The following PALB2 variants were observed in gnomAD, a reference collection of about 807,000 sequenced individuals.
PALB2 encodes mutant partner and localizer of BRCA2.
PALB2 carries 82 observed loss-of-function variants against 107.4 expected under a neutral mutation model. The observed-to-expected ratio is 0.76, with a 90% confidence interval of 0.64 to 0.92. PALB2 has a LOEUF of 0.92. Ranked by LOEUF, PALB2 falls within the 40% of genes least tolerant of loss-of-function variation. PALB2 has a pLI of 0.00. For missense variants in PALB2, 1,374 were observed against 1,379.9 expected (o/e 1.00, Z 0.07); for synonymous variants, 489 against 496.8 (o/e 0.98, Z 0.21).
At position 23,635,827 on chromosome 16, in the gene PALB2, G is replaced by C. The variant is rs1466115155; in HGVS notation, c.719C>G (p.Pro240Arg). The C allele has an allele frequency of 6.2e-7, 1 of 1,614,140 alleles. No homozygotes were observed. The highest frequency in any genetic ancestry group is 8.5e-7 in the Non-Finnish European group (1 of 1,180,028). Residue 240 changes from proline (P) to arginine (R), a missense_variant, in exon 4 of 13, where the codon CCT becomes CGT. Pro to Arg is a moderately radical substitution (Grantham distance 103). Coordinates refer to ENST00000261584, the MANE Select transcript of PALB2 (RefSeq NM_024675.4). ...AACTGTAGTCGCCCTGGTGAAATTA[G>C]GTCTTCTTAGGAATGTATCAACACC... is the stretch of plus-strand genomic sequence containing the variant. ...EKGVDTFLRR[P>R]NFTRATTVPL...
intron 6 of PALB2, among the ~76,000 whole-genome samples, chr16:23,626,679 T>C (rs1466420625): frequency 1.3e-5 from 2 of 152,170 alleles, no homozygotes; most frequent in African/African-American, 2.4e-5. Flanking sequence ...TGGAGTGCAG[T>C]GGTGCAATCT....
chr16:23,638,580 G>A (rs1381706148), intron 1 of PALB2: 3 of 456,082 alleles, frequency 6.6e-6, no homozygotes, highest in Non-Finnish European at 1.3e-5. Context: ...AATGGTCCAG[G>A]TATCTCTAGT....
intron 12 of PALB2, 31 bp from the exon 13 acceptor site, chr16:23,603,700 A>T: frequency 6.4e-7 from 1 of 1,564,610 alleles, no homozygotes; most frequent in Non-Finnish European, 8.8e-7. Flanking sequence ...TATAATTCAG[A>T]TTACATATCC....
chr16:23,630,813 A>G (rs1966869904), intron 4 of PALB2, among the ~76,000 whole-genome samples: 1 of 152,104 alleles, frequency 6.6e-6, no homozygotes. Flanking sequence ...GCACTACCCA[A>G]AACAGTGTAT....
chr16:23,632,640 T>G (rs1463947314), intron 4 of PALB2, among the ~76,000 whole-genome samples: 1 of 152,090 alleles, frequency 6.6e-6, no homozygotes, highest in Admixed American at 6.5e-5. Context: ...TTAGGGGTGA[T>G]GAAAATGTTT....
Position 23,638,076 on chromosome 16 carries a change from G to A in PALB2, c.102C>T (p.Arg34=), listed in dbSNP as rs1555462102. 1 of 1,613,852 alleles carries A rather than the reference G, an allele frequency of 6.2e-7. No homozygotes were observed. Among genetic ancestry groups the A allele is most frequent in the Admixed American group, 1.7e-5 (1 of 60,018 alleles). Reference sequence around the variant, plus strand: ...GAGAATACGATTCACTTACCTGAAGGCGGGCTAGTGTCTTGCTGTATTCCC... The same window carrying A: ...GAGAATACGATTCACTTACCTGAAGACGGGCTAGTGTCTTGCTGTATTCCC... ...LKREYSKTLA[R]LQRAQRAEKI... The change falls in exon 2 of 13, where the codon CGC becomes CGT. Residue 34 remains arginine, a synonymous_variant. Transcript: ENST00000261584.
Position 23,613,398 on chromosome 16 carries a change from C to T in PALB2, c.3201+606G>A, listed in dbSNP as rs373543685. On this transcript the variant is annotated intron_variant, in intron 11 of 12. Coordinates refer to ENST00000261584, the MANE Select transcript of PALB2 (RefSeq NM_024675.4). Reference sequence around the variant, plus strand: ...GTGGCTCACATCTGTAATACCAGCACTTTGGGAGGCTGAGGCGGGTGGATC... The same window carrying T: ...GTGGCTCACATCTGTAATACCAGCATTTTGGGAGGCTGAGGCGGGTGGATC... Among the ~76,000 whole-genome samples, 12 of 152,242 alleles carry T rather than the reference C, an allele frequency of 7.9e-5. No homozygotes were observed. In the South Asian group the frequency reaches 1.2e-3, roughly 16 times the overall value.
At chr16:23,632,904 G>T (rs1054028619) in intron 4 of PALB2, among the ~76,000 whole-genome samples, 23 of 152,158 alleles carry the variant, frequency 1.5e-4, no homozygotes, top group African/African-American at 5.3e-4. Flanking sequence ...GACCAGCCTG[G>T]CCAACATGGC....
At chr16:23,623,932 G>T in intron 8 of PALB2, 77 bp downstream of exon 8, 1 of 942,382 alleles carries the variant, frequency 1.1e-6, no homozygotes, top group Non-Finnish European at 1.7e-6. Flanking sequence ...TCAAGCCTAG[G>T]TTATTACCTG....
intron 11 of PALB2, among the ~76,000 whole-genome samples, chr16:23,613,500 C>T (rs542034575): frequency 5.3e-5 from 8 of 152,050 alleles, no homozygotes; most frequent in South Asian, 2.1e-4. Context: ...AAAAATTAGC[C>T]GGGTGTGGTG....
At chr16:23,618,434 A>G (rs1966720090) in intron 10 of PALB2, among the ~76,000 whole-genome samples, 1 of 152,232 alleles carries the variant, frequency 6.6e-6, no homozygotes, top group South Asian at 2.1e-4. Context: ...GGAAAGGAGG[A>G]CGGCAGAGCT....
chr16:23,612,523 CTTTT>C (rs900478700), intron 11 of PALB2, among the ~76,000 whole-genome samples: 3 of 119,502 alleles, frequency 2.5e-5, no homozygotes, highest in Non-Finnish European at 3.5e-5. Flanking sequence ...CAGGCCAAGA[CTTTT>C]TTTTTTTTTT....
intron 6 of PALB2, among the ~76,000 whole-genome samples, chr16:23,627,080 T>C (rs113741920): frequency 0.011 from 1,666 of 152,270 alleles, 29 homozygotes; most frequent in African/African-American, 0.038. Context: ...GGGAGTAACA[T>C]TGAAACAACA....
intron 10 of PALB2, among the ~76,000 whole-genome samples, chr16:23,620,801 A>G (rs1318180772): frequency 6.6e-6 from 1 of 152,222 alleles, no homozygotes. Flanking sequence ...GGCCGGGCGC[A>G]GTGGCTCATG....
intron 3 of PALB2, among the ~76,000 whole-genome samples, chr16:23,637,074 CCT>C (rs1423408316): frequency 1.3e-5 from 2 of 151,784 alleles, no homozygotes; most frequent in African/African-American, 4.8e-5. Context: ...ATGGTGAAAC[CCT>C]GTCTCTACTA....
rs1555460651 is a variant in PALB2 at position 23,630,369 on chromosome 16, A to G, written c.1785T>C (p.Asp595=). Residue 595 remains aspartate (D), a synonymous_variant, in exon 5 of 13, where the codon GAT becomes GAC. Transcript: ENST00000261584. ...GTAGTTGCTTTAAACTCAGCATTCC[A>G]TCCCTATGAAATGGAGCCGTGAAAG... ...DDAFTAPFHR[D]GMLSLKQLLS... 1.2e-6 allele frequency: 2 copies of G among 1,614,026 alleles called. No individual in the cohort carries two copies. Among genetic ancestry groups the G allele is most frequent in the African/African-American group, 1.3e-5 (1 of 74,948 alleles).
In PALB2 at chr16:23,607,467, A is replaced by AT. The variant is rs912011028; in HGVS notation, c.3350+396dup. The AT allele has an allele frequency of 1.6e-3, 382 of 243,406 alleles. 2 individuals carry two copies. Among genetic ancestry groups the AT allele is most frequent in the Non-Finnish European group, 2.1e-3 (250 of 121,694 alleles). The allele number at this position is 243,406 out of a possible 1,614,324, so 15.1% of individuals were successfully genotyped here. On this transcript the variant is annotated intron_variant, in intron 12 of 12. Transcript: ENST00000261584. Reference sequence around the variant, plus strand: ...GCATGTTTGGCTAATATATATATATATTTTTTTTGGTAGAGACTGGGTCTT... The same window carrying AT: ...GCATGTTTGGCTAATATATATATATATTTTTTTTTGGTAGAGACTGGGTCTT...
rs1597066796 is a variant in PALB2 at position 23,607,934 on chromosome 16, C to T, written c.3280G>A (p.Val1094Met). The T allele has an allele frequency of 6.2e-7, 1 of 1,614,108 alleles. No individual in the cohort carries two copies. Among genetic ancestry groups the T allele is most frequent in the African/African-American group, 1.3e-5 (1 of 75,022 alleles). ...CTGAGAGTCGTCTTAGGGTTAATCA[C>T]AATGAGCTGAAACACAGGGCTTCGC... is the stretch of plus-strand genomic sequence containing the variant. Reference protein sequence around the residue: ...SLRSPVFQLIVINPKTTLSVG... With the variant: ...SLRSPVFQLIMINPKTTLSVG... The change falls in exon 12 of 13, where the codon GTG becomes ATG. Residue 1094 changes from valine (V) to methionine (M), a missense_variant. By Grantham distance (21) the Val-to-Met change is conservative (BLOSUM62 1). Coordinates refer to ENST00000261584, the MANE Select transcript of PALB2 (RefSeq NM_024675.4).
At chr16:23,639,678 G>C in intron 1 of PALB2, among the ~76,000 whole-genome samples, 1 of 151,448 alleles carries the variant, frequency 6.6e-6, no homozygotes, top group Middle Eastern at 3.2e-3. Context: ...AAATTAGCCC[G>C]GCGTGGTGTT....
Sources: allele counts gnomAD v4.1 joint callset (sites outside exome capture counted in the v4.1 genomes callset), GRCh38; gene constraint gnomAD v4.1.1; transcripts MANE v1.5; gene names NCBI Gene and HGNC (gene_info 2026-07-23, HGNC 2026-07-21).